The following DPP10 variants were observed in gnomAD, a reference collection of about 807,000 sequenced individuals.
DPP10 encodes dipeptidyl peptidase like 10.
DPP10 carries 33 observed loss-of-function variants against 120.9 expected under a neutral mutation model. The ratio of observed to expected loss-of-function variants is 0.27; its 90% CI spans 0.21 to 0.37. DPP10 has a LOEUF of 0.37. Ranked by LOEUF, DPP10 falls within the 10% of genes least tolerant of loss-of-function variation. The pLI, the probability that DPP10 is intolerant of heterozygous loss-of-function variation, is 1.00. For missense variants in DPP10, 816 were observed against 942.8 expected (o/e 0.87, Z 1.76); for synonymous variants, 337 against 326.1 (o/e 1.03, Z -0.36).
At chr2:115,359,955 C>T (rs1378819576) in intron 3 of DPP10, among the ~76,000 whole-genome samples, 4 of 151,964 alleles carry the variant, frequency 2.6e-5, no homozygotes, top group African/African-American at 9.7e-5. Flanking sequence ...TTCTCAATTC[C>T]AGAAGTTCAG....
intron 10 of DPP10, among the ~76,000 whole-genome samples, chr2:115,751,835 G>C (rs1678766380): frequency 7.0e-6 from 1 of 142,244 alleles, no homozygotes; most frequent in Non-Finnish European, 1.5e-5. Context: ...GTCTTGCTCT[G>C]TCGCCCAGGC....
intron 3 of DPP10, among the ~76,000 whole-genome samples, chr2:115,345,247 AT>A (rs1283926621): frequency 4.6e-5 from 7 of 152,252 alleles, no homozygotes; most frequent in Admixed American, 3.9e-4. Context: ...GAATCTGTAT[AT>A]TTTTATTTTG....
At chr2:114,807,589 A>T (rs116136794) in intron 1 of DPP10, among the ~76,000 whole-genome samples, 8,731 of 152,242 alleles carry the variant, frequency 0.057, 834 homozygotes, top group African/African-American at 0.19. Context: ...AACTTCTTTT[A>T]GAATTTTCTA....
chr2:114,459,729 A>C (rs1335426667), intron 1 of DPP10, among the ~76,000 whole-genome samples: 1 of 152,216 alleles, frequency 6.6e-6, no homozygotes, highest in African/African-American at 2.4e-5. Flanking sequence ...CAGTTTTACT[A>C]TGGAATCTTT....
intron 1 of DPP10, among the ~76,000 whole-genome samples, chr2:114,896,387 T>G (rs1198568572): frequency 2.6e-5 from 4 of 152,168 alleles, no homozygotes; most frequent in Non-Finnish European, 5.9e-5. Context: ...TCTTCCATTT[T>G]TTTCGTATCC....
chr2:115,382,814 G>T (rs190754523), intron 3 of DPP10, among the ~76,000 whole-genome samples: 3 of 152,208 alleles, frequency 2.0e-5, no homozygotes, highest in Admixed American at 1.3e-4. Flanking sequence ...GGAAGTGATG[G>T]AAAAACTGAA....
intron 1 of DPP10, among the ~76,000 whole-genome samples, chr2:115,026,559 A>G (rs1360096021): frequency 6.6e-6 from 1 of 152,064 alleles, no homozygotes; most frequent in African/African-American, 2.4e-5. Context: ...TTTTTGAGAC[A>G]GACTCTCACT....
chr2:114,736,160 C>T (rs139551941), intron 1 of DPP10, among the ~76,000 whole-genome samples: 3 of 152,090 alleles, frequency 2.0e-5, no homozygotes, highest in African/African-American at 7.2e-5. Context: ...GTCCTCCTTT[C>T]TCTGGGCCTT....
At chr2:115,134,825 T>A (rs1464534868) in intron 1 of DPP10, among the ~76,000 whole-genome samples, 1 of 152,094 alleles carries the variant, frequency 6.6e-6, no homozygotes, top group Non-Finnish European at 1.5e-5. Flanking sequence ...AATGGAAAAT[T>A]TTAAGCTCAT....
At chr2:115,396,565 G>C (rs1484284178) in intron 3 of DPP10, among the ~76,000 whole-genome samples, 4 of 152,142 alleles carry the variant, frequency 2.6e-5, no homozygotes, top group Admixed American at 6.5e-5. Context: ...AATGAGAAAA[G>C]GGACCTTGGT....
intron 1 of DPP10, among the ~76,000 whole-genome samples, chr2:114,699,099 T>A (rs948713920): frequency 1.3e-5 from 2 of 152,118 alleles, no homozygotes; most frequent in African/African-American, 4.8e-5. Context: ...CAGGCTGCTC[T>A]AGGCAGGAGG....
At chr2:114,748,085 A>T (rs1678752629) in intron 1 of DPP10, among the ~76,000 whole-genome samples, 1 of 152,074 alleles carries the variant, frequency 6.6e-6, no homozygotes, top group East Asian at 1.9e-4. Context: ...TTTATCTGTC[A>T]TTTTTATTTT....
chr2:114,664,265 G>A lies in DPP10; in HGVS notation c.60+221427G>A, dbSNP rs369526746. Reference sequence around the variant, plus strand: ...TGAAGAGAAAATTAACAAGAAGCATGTGGATAAATGTAAAGCAAGCAGAAG... The same window carrying A: ...TGAAGAGAAAATTAACAAGAAGCATATGGATAAATGTAAAGCAAGCAGAAG... On this transcript the variant is annotated intron_variant, in intron 1 of 25. Coordinates refer to ENST00000410059, the MANE Select transcript of DPP10 (RefSeq NM_020868.6). Among the ~76,000 whole-genome samples the A allele has an allele frequency of 3.3e-5, 5 of 151,774 alleles. 1 individual carries two copies. The highest frequency in any genetic ancestry group is 2.0e-4 in the Admixed American group (3 of 15,228).
intron 3 of DPP10, among the ~76,000 whole-genome samples, chr2:115,453,439 C>T (rs1009997398): frequency 6.6e-6 from 1 of 151,100 alleles, no homozygotes; most frequent in Non-Finnish European, 1.5e-5. Context: ...TATGATTTTT[C>T]CTTATGAATG....
intron 5 of DPP10, among the ~76,000 whole-genome samples, chr2:115,645,790 C>T (rs1033816583): frequency 5.3e-5 from 8 of 152,116 alleles, no homozygotes; most frequent in Non-Finnish European, 1.2e-4. Context: ...TTGGGGATTT[C>T]TGGGAAATGT....
intron 1 of DPP10, among the ~76,000 whole-genome samples, chr2:115,294,523 G>A (rs187241341): frequency 6.6e-6 from 1 of 151,086 alleles, no homozygotes; most frequent in Non-Finnish European, 1.5e-5. Flanking sequence ...TTGCTTTTTG[G>A]GGGGAAGGGG....
rs1280373459 is a variant in DPP10, at chr2:115,842,325, G to A, written c.2371G>A (p.Glu791Lys). ...GGAAGAAATATCTGTGCTACCACAG[G>A]AACCAGAAGAAGATGAATAATGGAC... ...LKEEISVLPQ[E>K]PEEDE is the part of the protein sequence containing the mutation. The change falls in exon 26 of 26, where the codon GAA becomes AAA. Residue 791 changes from glutamate to lysine, a missense_variant. Around this residue, in one of 3 missense-constraint regions of DPP10, gnomAD observed 592 missense variants for 649.0 expected, o/e 0.91. Transcript: ENST00000410059. The A allele has an allele frequency of 1.2e-6, 2 of 1,613,778 alleles. No individual in the cohort carries two copies. The highest frequency in any genetic ancestry group is 1.7e-5 in the Admixed American group (1 of 60,014).
At chr2:114,540,761 G>A (rs762170171) in intron 1 of DPP10, among the ~76,000 whole-genome samples, 2 of 152,288 alleles carry the variant, frequency 1.3e-5, no homozygotes, top group Non-Finnish European at 1.5e-5. Context: ...TGAAGACTTC[G>A]TTTTCTAACA....
In DPP10 at chr2:115,040,705, G is replaced by A. The variant is rs544787237; in HGVS notation, c.61-268534G>A. 1.9e-4 allele frequency among the ~76,000 whole-genome samples: 29 copies of A among 152,078 alleles called. No individual in the cohort carries two copies. The East Asian group carries it at 5.1e-3, about 27-fold the overall frequency. On this transcript the variant is annotated intron_variant, in intron 1 of 25. Transcript: ENST00000410059. ...CTCAGTGTTGCTCTTGTAACAGTGAGTGTGTGCCGTGAGATTTGGTTGTTT... is the reference window on the plus strand; with the variant it reads ...CTCAGTGTTGCTCTTGTAACAGTGAATGTGTGCCGTGAGATTTGGTTGTTT...
Sources: allele counts gnomAD v4.1 joint callset (sites outside exome capture counted in the v4.1 genomes callset), GRCh38; gene constraint gnomAD v4.1.1; regional missense constraint gnomAD v4.1.1; transcripts MANE v1.5; gene names NCBI Gene and HGNC (gene_info 2026-07-23, HGNC 2026-07-21).